Variants in HIVEP3 observed in about 807,000 individuals in gnomAD.
The protein encoded by HIVEP3 is transcription factor HIVEP3.
HIVEP3 carries 49 observed loss-of-function variants against 152.8 expected under a neutral mutation model. The ratio of observed to expected loss-of-function variants is 0.32; its 90% CI spans 0.26 to 0.41. The LOEUF (loss-of-function observed/expected upper bound fraction) is 0.41, where lower values mean the gene tolerates loss of function less well. HIVEP3 is among the 10% of genes least tolerant of loss of function. The probability of loss-of-function intolerance (pLI) is 1.00; values close to 1 mark genes in which losing one functional copy is unlikely to be tolerated. For synonymous variants in HIVEP3, 1,269 were observed against 1,289.0 expected, an observed-to-expected ratio of 0.98 and a Z score of 0.33; for missense variants, 2,790 against 3,103.3, an observed-to-expected ratio of 0.90 and a Z score of 2.40.
chr1:41,572,403 C>T (rs564542151), intron 5 of HIVEP3, among the ~76,000 whole-genome samples: 18 of 141,908 alleles, frequency 1.3e-4, no homozygotes, highest in Admixed American at 1.2e-3. Flanking sequence ...TACCCTTCCT[C>T]TCCACTTGTC....
intron 5 of HIVEP3, among the ~76,000 whole-genome samples, chr1:41,544,759 TCAC>T (rs1473586328): frequency 2.9e-5 from 2 of 68,962 alleles, no homozygotes; most frequent in African/African-American, 1.3e-4. Flanking sequence ...ACCACCACCA[TCAC>T]CACCACTACC....
chr1:41,695,792 C>T (rs541567831), intron 2 of HIVEP3, among the ~76,000 whole-genome samples: 2 of 152,304 alleles, frequency 1.3e-5, no homozygotes, highest in African/African-American at 4.8e-5. Context: ...TTTCAATAAA[C>T]GTGAATTCTT....
In HIVEP3 at chr1:41,573,330, C is replaced by A. The variant is rs113511839; in HGVS notation, c.5207+2214G>T. ...CCCTGAAATGCCAGTTATGTGGCAA[C>A]CAAAATGCCCTCCCCCTCCTTCACC... On this transcript the variant is annotated intron_variant, in intron 5 of 8. Coordinates refer to ENST00000372583, the MANE Select transcript of HIVEP3 (RefSeq NM_024503.5). Among the ~76,000 whole-genome samples the A allele has an allele frequency of 1.9e-3, 294 of 152,218 alleles. 2 individuals carry two copies. Among genetic ancestry groups the A allele is most frequent in the Middle Eastern group, 0.01 (3 of 294 alleles).
At chr1:41,927,243 T>C (rs1570817340) in intron 1 of HIVEP3, among the ~76,000 whole-genome samples, 1 of 152,176 alleles carries the variant, frequency 6.6e-6, no homozygotes, top group African/African-American at 2.4e-5. Flanking sequence ...ATCTCCCAAT[T>C]GGGCACCCTT....
At chr1:41,699,149 AAAGT>A (rs1472514218) in intron 2 of HIVEP3, among the ~76,000 whole-genome samples, 1 of 152,204 alleles carries the variant, frequency 6.6e-6, no homozygotes, top group Non-Finnish European at 1.5e-5. Context: ...GGAAGCCCCG[AAAGT>A]AAGTGCTGAG....
chr1:41,525,279 G>A (rs987786984), intron 5 of HIVEP3, among the ~76,000 whole-genome samples: 3 of 132,162 alleles, frequency 2.3e-5, no homozygotes, highest in Non-Finnish European at 5.0e-5. Context: ...GAGTCCCAGA[G>A]AGGGAATGAT....
At chr1:41,531,481 T>G (rs1569781809) in intron 5 of HIVEP3, among the ~76,000 whole-genome samples, 4 of 93,906 alleles carry the variant, frequency 4.3e-5, no homozygotes, top group Admixed American at 1.1e-4. Flanking sequence ...ACAGGGGAGA[T>G]GGAGGACAGG....
chr1:41,929,225 C>A (rs1035814800), intron 1 of HIVEP3, among the ~76,000 whole-genome samples: 3 of 152,034 alleles, frequency 2.0e-5, no homozygotes, highest in African/African-American at 7.3e-5. Context: ...TCCTTTTTCC[C>A]CATCAAATAA....
intron 1 of HIVEP3, among the ~76,000 whole-genome samples, chr1:41,810,464 G>A (rs1173337386): frequency 1.3e-5 from 2 of 152,124 alleles, no homozygotes; most frequent in Non-Finnish European, 2.9e-5. Context: ...TCCATCTTAG[G>A]TCCCTTGCCC....
Position 41,581,435 on chromosome 1 carries a change from C to T in HIVEP3, c.3363G>A (p.Leu1121=). The T allele has an allele frequency of 6.3e-7, 1 of 1,592,378 alleles. No individual in the cohort carries two copies. ...LGPTVPYTEA[L]QVFHHPVAQT... ...GGGCAACGGGGTGGTGGAACACTTG[C>T]AGTGCTTCTGTGTAGGGCACAGTGG... The change falls in exon 4 of 9, where the codon CTG becomes CTA. Residue 1121 remains leucine, a synonymous_variant. Coordinates refer to ENST00000372583, the MANE Select transcript of HIVEP3 (RefSeq NM_024503.5). The surrounding 1 kb of genome is among the most constrained non-coding windows in gnomAD (Gnocchi z 4.5).
At position 41,580,273 on chromosome 1, in the gene HIVEP3, T is replaced by C. The variant is rs1644382301; in HGVS notation, c.4525A>G (p.Thr1509Ala). The change falls in exon 4 of 9, where the codon ACA (threonine) becomes GCA (alanine). Residue 1509 changes from threonine to alanine, a missense_variant. Physicochemically the swap from Thr to Ala is moderately conservative, Grantham distance 58 (BLOSUM62 0). This residue lies in a region of HIVEP3 where 1,078 missense variants were observed against 1,165.3 expected (regional missense o/e 0.93). Coordinates refer to ENST00000372583, the MANE Select transcript of HIVEP3 (RefSeq NM_024503.5). The part of the protein sequence containing the change: ...LSSLSSDPSD[T>A]KEIPPLPHPA... Reference sequence around the variant, plus strand: ...TGAGGGAGGGGAGGAATTTCCTTTGTGTCAGATGGATCTGAGGACAGGCTG... The same window carrying C: ...TGAGGGAGGGGAGGAATTTCCTTTGCGTCAGATGGATCTGAGGACAGGCTG... The C allele has an allele frequency of 2.5e-6, 4 of 1,614,088 alleles. No homozygotes were observed. The highest frequency in any genetic ancestry group is 3.4e-6 in the Non-Finnish European group (4 of 1,179,976).
intron 1 of HIVEP3, among the ~76,000 whole-genome samples, chr1:41,812,478 A>G (rs768330569): frequency 6.6e-6 from 1 of 152,036 alleles, no homozygotes; most frequent in Non-Finnish European, 1.5e-5. Flanking sequence ...AATAAATAAG[A>G]TGTCATGGAT....
At chr1:41,598,597 C>A (rs533355027) in intron 3 of HIVEP3, among the ~76,000 whole-genome samples, 3 of 152,200 alleles carry the variant, frequency 2.0e-5, no homozygotes, top group Non-Finnish European at 4.4e-5. Context: ...TCTACTGCAA[C>A]TCATTTCTTC....
chr1:41,919,194 T>G (rs937044815), upstream of HIVEP3, among the ~76,000 whole-genome samples: 3 of 151,780 alleles, frequency 2.0e-5, no homozygotes, highest in Non-Finnish European at 4.4e-5. Flanking sequence ...TTTATTGCAC[T>G]GATGAGCTTC....
At chr1:41,525,995 A>T (rs1642890773) in intron 5 of HIVEP3, among the ~76,000 whole-genome samples, 1 of 151,126 alleles carries the variant, frequency 6.6e-6, no homozygotes, top group Non-Finnish European at 1.5e-5. Context: ...CGCCAGCCAG[A>T]GTTGCCCTCA....
chr1:41,545,009 C>CTCT (rs1643694889), intron 5 of HIVEP3, among the ~76,000 whole-genome samples: 15 of 107,522 alleles, frequency 1.4e-4, no homozygotes, highest in Non-Finnish European at 2.3e-4. Flanking sequence ...CCATCACCAC[C>CTCT]ACCACCACTA....
chr1:41,878,458 T>C lies in HIVEP3; in HGVS notation c.-801+39955A>G, dbSNP rs145933992. Among the ~76,000 whole-genome samples the C allele has an allele frequency of 2.0e-4, 31 of 152,318 alleles. 1 individual carries two copies. The highest frequency in any genetic ancestry group is 5.2e-4 in the Admixed American group (8 of 15,308). On this transcript the variant is annotated intron_variant, in intron 1 of 8. Transcript: ENST00000372583. Reference sequence around the variant, plus strand: ...AAAAGGGTAAGATTATATCTAAACATTTCATTAGCATAAATCTGAATGTGT... The same window carrying C: ...AAAAGGGTAAGATTATATCTAAACACTTCATTAGCATAAATCTGAATGTGT...
intron 1 of HIVEP3, among the ~76,000 whole-genome samples, chr1:41,999,885 TC>T (rs1443650483): frequency 4.0e-5 from 6 of 150,442 alleles, no homozygotes; most frequent in African/African-American, 1.5e-4. Context: ...ATTGATCCAT[TC>T]TTTTTTTTTT....
At position 41,580,738 on chromosome 1, in the gene HIVEP3, C is replaced by T. The variant is rs753916397; in HGVS notation, c.4060G>A (p.Ala1354Thr). Reference protein sequence around the residue: ...TQSQGSSATVALPKFEEPPSK... With the variant: ...TQSQGSSATVTLPKFEEPPSK... ...GGGGGTTCCTCAAACTTGGGAAGTG[C>T]CACAGTTGCTGAGCTGCCTTGGGAC... Residue 1354 changes from alanine to threonine, a missense_variant, in exon 4 of 9, where the codon GCA becomes ACA. By Grantham distance (58) the Ala-to-Thr change is moderately conservative. This residue lies in a region of HIVEP3 where 1,078 missense variants were observed against 1,165.3 expected (regional missense o/e 0.93). Transcript: ENST00000372583. 2 of 1,589,944 alleles carry T rather than the reference C, an allele frequency of 1.3e-6. No homozygotes were observed. The highest frequency in any genetic ancestry group is 1.7e-4 in the Middle Eastern group (1 of 5,946).
Sources: gnomAD v4.1 joint callset for allele counts (sites outside exome capture counted in the v4.1 genomes callset) on GRCh38, gnomAD v4.1.1 for gene constraint, gnomAD v4.1.1 regional missense constraint, Gnocchi (gnomAD v3.1) non-coding constraint, MANE v1.5 for transcripts, NCBI Gene and HGNC (gene_info 2026-07-23, HGNC 2026-07-21) for gene names.